SEC23IP: variants seen among roughly 807,000 people sequenced by gnomAD.
SEC23IP encodes SEC23 interacting protein, also known as SEC23-interacting protein.
Under a neutral mutation model 113.4 loss-of-function variants are expected in SEC23IP, and 70 were observed. The observed-to-expected ratio is 0.62, with a 90% CI of 0.51 to 0.75. The LOEUF (loss-of-function observed/expected upper bound fraction) is 0.75, where lower values mean the gene tolerates loss of function less well. Ranked by LOEUF, SEC23IP falls within the 30% of genes least tolerant of loss-of-function variation. The probability of loss-of-function intolerance (pLI) is 0.00; values close to 1 mark genes in which losing one functional copy is unlikely to be tolerated. For synonymous variants in SEC23IP, 398 were observed against 421.0 expected (o/e 0.95, Z 0.67); for missense variants, 1,160 against 1,204.9 (o/e 0.96, Z 0.55).
rs1386155935 is a variant in SEC23IP, at chr10:119,942,224, A to G, written c.*1659A>G. On this transcript the variant is annotated 3_prime_UTR_variant, in exon 19 of 19. Transcript: ENST00000369075. ...AAGGACCAGGGTTCGTAGAAGAAGC[A>G]TGTGGCAGCTGAGTGGCAGCAGTCT... The G allele has an allele frequency of 4.6e-5, 7 of 152,218 alleles. No individual in the cohort carries two copies. The highest frequency in any genetic ancestry group is 1.7e-4 in the African/African-American group (7 of 41,460). 9.4% of individuals were successfully genotyped at this position (152,218 alleles called of 1,614,324 possible). A position where few individuals can be genotyped will look rare whatever the true frequency, so the allele number is the denominator to read the frequency against.
intron 7 of SEC23IP, 66 bp from the exon 8 acceptor site, chr10:119,915,682 A>G: frequency 1.7e-6 from 2 of 1,156,012 alleles, no homozygotes; most frequent in Non-Finnish European, 2.3e-6. Flanking sequence ...ATTTGAGGTA[A>G]CTGCTGACTA....
In SEC23IP at chr10:119,936,948, C is replaced by T. The variant is rs189813094; in HGVS notation, c.*20+3161C>T. 4.7e-3 allele frequency among the ~76,000 whole-genome samples: 708 copies of T among 151,720 alleles called. 2 individuals are homozygous for T. Among genetic ancestry groups the T allele is most frequent in the African/African-American group, 0.016 (646 of 41,344 alleles). On this transcript the variant is annotated intron_variant, in intron 18 of 18. Transcript: ENST00000369075. ...TGTCGCCCAGGCTGTAGTGCAGTGG[C>T]GTGATCTCGGCTCACTGCAAGCTCC...
In SEC23IP at chr10:119,894,153, C is replaced by T. The variant is rs575857437; in HGVS notation, c.163+1208C>T. The stretch of plus-strand genomic sequence containing the variant: ...AGCGCTAAGTATAGTGCGTGCCAGA[C>T]AGTGTGATTTAATGTTTGTGAAATA... On this transcript the variant is annotated intron_variant, in intron 1 of 18. Coordinates refer to ENST00000369075, the MANE Select transcript of SEC23IP (RefSeq NM_007190.4). 7.9e-5 allele frequency among the ~76,000 whole-genome samples: 12 copies of T among 152,318 alleles called. No homozygotes were observed. The South Asian group carries it at 2.5e-3, about 32-fold the overall frequency.
Position 119,904,279 on chromosome 10 carries a change from T to C in SEC23IP, c.1101+2T>C. ...GAGGAGTTCAGTGAAAAACTAGAGG[T>C]ACGGGTGCTTTATTTCTTTATGAGT... is the stretch of plus-strand genomic sequence containing the variant. On this transcript the variant is annotated splice_donor_variant, in intron 4 of 18. Coordinates refer to ENST00000369075, the MANE Select transcript of SEC23IP (RefSeq NM_007190.4). LOFTEE classifies it high-confidence loss of function. 6.2e-7 allele frequency: 1 copy of C among 1,613,500 alleles called. No individual in the cohort carries two copies.
At chr10:119,915,916 T>C in intron 8 of SEC23IP, 27 bp downstream of exon 8, 1 of 1,443,228 alleles carries the variant, frequency 6.9e-7, no homozygotes, top group Non-Finnish European at 9.2e-7. Flanking sequence ...AACTTGTTTT[T>C]CAGATTAGTC....
At position 119,917,897 on chromosome 10, in the gene SEC23IP, T is replaced by C; in HGVS notation, c.1606T>C (p.Leu536=). The change falls in exon 9 of 19, where the codon TTG becomes CTG. Residue 536 remains leucine, a synonymous_variant. Transcript: ENST00000369075. ...ATTTCGTCACTTTACCAATGAAACT[T>C]TGCTAGATATTTTATTTTATAACAG... ...GRFRHFTNET[L]LDILFYNSPT... The C allele has an allele frequency of 1.2e-6, 2 of 1,614,122 alleles. No homozygotes were observed. Among genetic ancestry groups the C allele is most frequent in the Non-Finnish European group, 1.7e-6 (2 of 1,179,992 alleles).
chr10:119,915,694 C>T, intron 7 of SEC23IP, 54 bp from the exon 8 acceptor site: 1 of 1,307,578 alleles, frequency 7.6e-7, no homozygotes, highest in South Asian at 2.1e-5. Context: ...TGCTGACTAG[C>T]TATCAAGCTA....
Position 119,942,936 on chromosome 10 carries a change from A to T in SEC23IP, c.*2371A>T, listed in dbSNP as rs552992099. On this transcript the variant is annotated 3_prime_UTR_variant, in exon 19 of 19. Coordinates refer to ENST00000369075, the MANE Select transcript of SEC23IP (RefSeq NM_007190.4). ...AGGTGTGATCTATATAGAACCCTGT[A>T]CATGAAAAGGAGGAGATGCCGCTAT... 6.6e-6 allele frequency: 1 copy of T among 152,226 alleles called. No homozygotes were observed. The allele number at this position is 152,226 out of a possible 1,614,324, so 9.4% of individuals were successfully genotyped here. A position where few individuals can be genotyped will look rare whatever the true frequency, so the allele number is the denominator to read the frequency against.
At chr10:119,903,159 TC>T (rs1854554045) in intron 3 of SEC23IP, 150 bp downstream of exon 3, 1 of 650,488 alleles carries the variant, frequency 1.5e-6, no homozygotes, top group Non-Finnish European at 2.6e-6. Context: ...TTAGTATAAG[TC>T]CTGAGTTACC....
chr10:119,917,635 T>C (rs1434981343), intron 8 of SEC23IP, among the ~76,000 whole-genome samples: 2 of 152,198 alleles, frequency 1.3e-5, no homozygotes, highest in Non-Finnish European at 2.9e-5. Flanking sequence ...CACTTCAGCC[T>C]CCCAAAGTGC....
chr10:119,929,509 C>A, intron 13 of SEC23IP, 98 bp from the exon 14 acceptor site: 1 of 978,060 alleles, frequency 1.0e-6, no homozygotes, highest in Non-Finnish European at 1.6e-6. Flanking sequence ...GCTGGGATTA[C>A]AGGCATGAGC....
rs199659935 is a variant in SEC23IP at position 119,929,646 on chromosome 10, A to G, written c.2353A>G (p.Ile785Val). ...CAACTCATTAGATTTTGAACCAGAG[A>G]TATTCTTTGCCTTGGGGTCTCCAAT... is the stretch of plus-strand genomic sequence containing the variant. ...AYNSLDFEPE[I>V]FFALGSPIAM... is the part of the protein sequence containing the mutation. Residue 785 changes from isoleucine to valine, a missense_variant, in exon 14 of 19, where the codon ATA (isoleucine) becomes GTA (valine). Ile to Val is a conservative substitution (Grantham distance 29, BLOSUM62 3). Coordinates refer to ENST00000369075, the MANE Select transcript of SEC23IP (RefSeq NM_007190.4). The G allele has an allele frequency of 6.2e-6, 10 of 1,610,488 alleles. No individual in the cohort carries two copies. In the East Asian group the frequency reaches 2.2e-4, roughly 36 times the overall value.
chr10:119,910,806 C>T (rs904111332), intron 5 of SEC23IP, among the ~76,000 whole-genome samples: 2 of 152,148 alleles, frequency 1.3e-5, no homozygotes, highest in Middle Eastern at 3.4e-3. Flanking sequence ...CTCAGCCTCC[C>T]GAGTAGCTAG....
rs528598344 is a variant in SEC23IP, at chr10:119,896,765, G to C, written c.164-1662G>C. Among the ~76,000 whole-genome samples, 319 of 151,124 alleles carry C rather than the reference G, an allele frequency of 2.1e-3. 1 individual carries two copies. The highest frequency in any genetic ancestry group is 0.014 in the Middle Eastern group (4 of 288). On this transcript the variant is annotated intron_variant, in intron 1 of 18. Coordinates refer to ENST00000369075, the MANE Select transcript of SEC23IP (RefSeq NM_007190.4). Reference sequence around the variant, plus strand: ...CCTCAAGTTTTTCTAAAGGATGAAAGATACCACTGAGTTTTTTTTTTTTTC... The same window carrying C: ...CCTCAAGTTTTTCTAAAGGATGAAACATACCACTGAGTTTTTTTTTTTTTC...
In SEC23IP at chr10:119,920,879, C is replaced by T; in HGVS notation, c.2026-10C>T. ...GATTGATTAATGTGCTTGTCTGTTTCCTTTTAAAGCTTATGTGTACAGTTG... is the reference window on the plus strand; with the variant it reads ...GATTGATTAATGTGCTTGTCTGTTTTCTTTTAAAGCTTATGTGTACAGTTG... On this transcript the variant is annotated splice_polypyrimidine_tract_variant and intron_variant, in intron 11 of 18. Transcript: ENST00000369075. 4 of 1,573,376 alleles carry T rather than the reference C, an allele frequency of 2.5e-6. No individual in the cohort carries two copies. Among genetic ancestry groups the T allele is most frequent in the Non-Finnish European group, 3.5e-6 (4 of 1,146,656 alleles).
At position 119,904,117 on chromosome 10, in the gene SEC23IP, C is replaced by A; in HGVS notation, c.941C>A (p.Thr314Lys). The part of the protein sequence containing the change: ...QPDPESVVLG[T>K]DGGRYDVYLY... ...GATCCGGAGAGCGTGGTTCTTGGCA[C>A]GGATGGAGGGCGCTACGATGTTTAC... Residue 314 changes from threonine (T) to lysine (K), a missense_variant, in exon 4 of 19, where the codon ACG becomes AAG. Coordinates refer to ENST00000369075, the MANE Select transcript of SEC23IP (RefSeq NM_007190.4). The A allele has an allele frequency of 6.2e-7, 1 of 1,614,144 alleles. No homozygotes were observed. The highest frequency in any genetic ancestry group is 8.5e-7 in the Non-Finnish European group (1 of 1,180,016).
intron 13 of SEC23IP, among the ~76,000 whole-genome samples, chr10:119,927,175 G>A (rs1371448857): frequency 6.6e-6 from 1 of 152,226 alleles, no homozygotes; most frequent in Non-Finnish European, 1.5e-5. Context: ...CAGGATTACA[G>A]GCATGAGCTA....
At position 119,902,952 on chromosome 10, in the gene SEC23IP, CTG is replaced by C; in HGVS notation, c.853_854del (p.Trp285AspfsTer4). On this transcript the variant is annotated frameshift_variant, in exon 3 of 19. Transcript: ENST00000369075. LOFTEE classifies it high-confidence loss of function. Reference protein sequence around the residue: ...FYCKEVEYKQLWMPFSVFDSL... With the variant: ...FYCKEVEYKQXWMPFSVFDSL... ...CTGCAAGGAGGTAGAATACAAACAA[CTG>C]TGGATGCCTTTTAGTGTGTTCGACT... 3 of 1,614,190 alleles carry C rather than the reference CTG, an allele frequency of 1.9e-6. No homozygotes were observed. The highest frequency in any genetic ancestry group is 2.5e-6 in the Non-Finnish European group (3 of 1,180,038).
In SEC23IP at chr10:119,909,061, A is replaced by G. The variant is rs1854772591; in HGVS notation, c.1122A>G (p.Val374=). The G allele has an allele frequency of 6.2e-7, 1 of 1,611,402 alleles. No individual in the cohort carries two copies. Among genetic ancestry groups the G allele is most frequent in the African/African-American group, 1.3e-5 (1 of 74,830 alleles). ...TATAGGCTGAATATAAAAAAGCTGT[A>G]ACCACTAATCAGTGGCACCGAAGAT... ...EKLEAEYKKA[V]TTNQWHRRLE... The change falls in exon 5 of 19, where the codon GTA becomes GTG. Residue 374 remains valine (V), a synonymous_variant. Coordinates refer to ENST00000369075, the MANE Select transcript of SEC23IP (RefSeq NM_007190.4).
Sources: allele counts gnomAD v4.1 joint callset (sites outside exome capture counted in the v4.1 genomes callset), GRCh38; gene constraint gnomAD v4.1.1; transcripts MANE v1.5; gene names NCBI Gene and HGNC (gene_info 2026-07-23, HGNC 2026-07-21).